The following ZFR2 variants were observed in gnomAD, a reference collection of about 807,000 sequenced individuals.
ZFR2 encodes the protein zinc finger RNA-binding protein 2.
ZFR2 carries 104 observed loss-of-function variants against 105.7 expected under a neutral mutation model. That is an observed-to-expected ratio of 0.98 (90% CI 0.84 to 1.16). ZFR2 has a LOEUF of 1.16. Ranked by LOEUF, ZFR2 falls within the 50% of genes most tolerant of loss-of-function variation. The probability of loss-of-function intolerance (pLI) is 0.00; values close to 1 mark genes in which losing one functional copy is unlikely to be tolerated. For missense variants in ZFR2, 1,425 were observed against 1,355.5 expected (o/e 1.05, Z -0.80); for synonymous variants, 634 against 597.7 (o/e 1.06, Z -0.89).
At position 3,827,518 on chromosome 19, in the gene ZFR2, C is replaced by T. The variant is rs552807482; in HGVS notation, c.988G>A (p.Gly330Arg). The T allele has an allele frequency of 6.2e-5, 96 of 1,558,180 alleles. 2 individuals carry two copies. In the South Asian group the frequency reaches 7.6e-4, roughly 12 times the overall value. ...ATGTGGGCCGCGTAGGCGTCCGCCCCGGTGCAGGACACGGCGCACAGGTCG... is the reference window on the plus strand; with the variant it reads ...ATGTGGGCCGCGTAGGCGTCCGCCCTGGTGCAGGACACGGCGCACAGGTCG... ...HCDLCAVSCT[G>R]ADAYAAHIRG... The change falls in exon 6 of 19, where the codon GGG (glycine) becomes AGG (arginine). Residue 330 changes from glycine to arginine, a missense_variant. Coordinates refer to ENST00000262961, the MANE Select transcript of ZFR2 (RefSeq NM_015174.2).
chr19:3,868,997 G>T lies in ZFR2; in HGVS notation c.21C>A (p.Phe7Leu), dbSNP rs763822716. The change falls in exon 1 of 19, where the codon TTC (phenylalanine) becomes TTA (leucine). Residue 7 changes from phenylalanine (F) to leucine (L), a missense_variant. Phe to Leu is a conservative substitution (Grantham distance 22). Coordinates refer to ENST00000262961, the MANE Select transcript of ZFR2 (RefSeq NM_015174.2). MATSQY[F>L]DFAQGGGPQY... ...GCGGGCCGCCGCCCTGCGCGAAGTC[G>T]AAATACTGACTCGTCGCCATCTTGG... The T allele has an allele frequency of 3.6e-6, 5 of 1,378,134 alleles. 1 individual carries two copies. In the South Asian group the frequency reaches 8.7e-5, roughly 24 times the overall value. 85.4% of individuals were successfully genotyped at this position (1,378,134 alleles called of 1,614,324 possible).
chr19:3,820,239 G>C lies in ZFR2; in HGVS notation c.1683C>G (p.Asp561Glu), dbSNP rs1220742704. ...TGCCCATGAGCAGAGGCTGGGCCCAGTCGGGCGGCGCGTGGGGCGGCACGT... is the reference window on the plus strand; with the variant it reads ...TGCCCATGAGCAGAGGCTGGGCCCACTCGGGCGGCGCGTGGGGCGGCACGT... Reference protein sequence around the residue: ...PQDVPPHAPPDWAQPLLMGRP... With the variant: ...PQDVPPHAPPEWAQPLLMGRP... The change falls in exon 11 of 19, where the codon GAC (aspartate) becomes GAG (glutamate). Residue 561 changes from aspartate to glutamate, a missense_variant. Coordinates refer to ENST00000262961, the MANE Select transcript of ZFR2 (RefSeq NM_015174.2). 1.3e-6 allele frequency: 2 copies of C among 1,549,934 alleles called. No homozygotes were observed. The highest frequency in any genetic ancestry group is 2.4e-5 in the East Asian group (1 of 40,956).
Position 3,823,775 on chromosome 19 carries a change from A to G in ZFR2, c.1214-372T>C, listed in dbSNP as rs1232103660. ...AATGATGGAGCCTCGGGGGGAGACA[A>G]ATATCTTTGTTATAAGAATGACTTG... On this transcript the variant is annotated intron_variant, in intron 7 of 18. Transcript: ENST00000262961. This position sits in a 1 kb window ranked among gnomAD's most constrained non-coding sequence, Gnocchi z 5.4. 6.6e-6 allele frequency among the ~76,000 whole-genome samples: 1 copy of G among 152,156 alleles called. No individual in the cohort carries two copies. The highest frequency in any genetic ancestry group is 2.4e-5 in the African/African-American group (1 of 41,436).
intron 1 of ZFR2, among the ~76,000 whole-genome samples, chr19:3,840,954 G>T (rs773853340): frequency 1.3e-5 from 2 of 152,196 alleles, no homozygotes; most frequent in African/African-American, 2.4e-5. Context: ...ATGGATCTAG[G>T]TCACGCCGGT....
intron 6 of ZFR2, among the ~76,000 whole-genome samples, chr19:3,826,155 C>A (rs568301632): frequency 6.6e-6 from 1 of 152,288 alleles, no homozygotes; most frequent in East Asian, 1.9e-4. Flanking sequence ...CTCCTTCCCC[C>A]GTTTCTCTGC....
At chr19:3,806,263 C>T (rs1432698596) in intron 18 of ZFR2, 138 bp from the exon 19 acceptor site, 2 of 984,648 alleles carry the variant, frequency 2.0e-6, no homozygotes, top group Non-Finnish European at 1.4e-6. Flanking sequence ...CCCCCGGCCC[C>T]CCGCCGCTTT....
intron 6 of ZFR2, among the ~76,000 whole-genome samples, chr19:3,826,394 G>T (rs193208746): frequency 1.3e-5 from 2 of 151,852 alleles, no homozygotes; most frequent in African/African-American, 4.8e-5. Flanking sequence ...TCTCAGGTGG[G>T]GACTCCATCC....
Position 3,823,489 on chromosome 19 carries a change from G to A in ZFR2, c.1214-86C>T. The A allele has an allele frequency of 7.2e-7, 1 of 1,382,894 alleles. No individual in the cohort carries two copies. Among genetic ancestry groups the A allele is most frequent in the Non-Finnish European group, 9.7e-7 (1 of 1,026,638 alleles). 85.7% of individuals were successfully genotyped at this position (1,382,894 alleles called of 1,614,324 possible). A position where few individuals can be genotyped will look rare whatever the true frequency, so the allele number is the denominator to read the frequency against. ...CCCGCCAGGCGGCATGGGGTGGAGA[G>A]CCACCCAGACTGCAGGCTGTGCCAT... On this transcript the variant is annotated intron_variant, in intron 7 of 18. Coordinates refer to ENST00000262961, the MANE Select transcript of ZFR2 (RefSeq NM_015174.2). The surrounding 1 kb of genome is among the most constrained non-coding windows in gnomAD (Gnocchi z 5.4).
chr19:3,852,376 G>A (rs2038249696), intron 1 of ZFR2: 5 of 666,956 alleles, frequency 7.5e-6, no homozygotes, highest in Admixed American at 2.3e-5. Context: ...TCTGCCCCTG[G>A]AGGGCAGCTA....
intron 16 of ZFR2, 102 bp from the exon 17 acceptor site, chr19:3,809,085 C>T (rs2037734735): frequency 1.2e-6 from 1 of 834,452 alleles, no homozygotes; most frequent in South Asian, 2.0e-5. Flanking sequence ...CCCCTCAGCT[C>T]TTTCTCTAAC....
intron 12 of ZFR2, among the ~76,000 whole-genome samples, chr19:3,818,316 A>G (rs1486211162): frequency 6.6e-6 from 1 of 152,098 alleles, no homozygotes; most frequent in Non-Finnish European, 1.5e-5. Flanking sequence ...AAGAGTTAAC[A>G]ATTAGCTGGG....
At chr19:3,852,491 G>A (rs2145183309) in intron 1 of ZFR2, 1 of 718,622 alleles carries the variant, frequency 1.4e-6, no homozygotes, top group Non-Finnish European at 2.6e-6. Context: ...AGCAGATGCA[G>A]GCAAGGCCTC....
At chr19:3,855,042 G>A (rs144329324) in intron 1 of ZFR2, among the ~76,000 whole-genome samples, 76 of 152,074 alleles carry the variant, frequency 5.0e-4, no homozygotes, top group African/African-American at 1.7e-3. Context: ...TTACAGATGT[G>A]AGCCACTGTG....
intron 1 of ZFR2, among the ~76,000 whole-genome samples, chr19:3,856,045 G>T (rs2038296699): frequency 1.3e-5 from 2 of 152,210 alleles, no homozygotes; most frequent in African/African-American, 2.4e-5. Flanking sequence ...AGAGCAGAAG[G>T]AAGCGTGAAG....
In ZFR2 at chr19:3,823,034, A is replaced by C. The variant is rs1217166172; in HGVS notation, c.1371+212T>G. On this transcript the variant is annotated intron_variant, in intron 8 of 18. Transcript: ENST00000262961. The surrounding 1 kb of genome is among the most constrained non-coding windows in gnomAD (Gnocchi z 5.4). Reference sequence around the variant, plus strand: ...GCCTGTCTCTGGCCCTCACGGGGCCATATTCATTTCCTGCTGATACCAAAA... The same window carrying C: ...GCCTGTCTCTGGCCCTCACGGGGCCCTATTCATTTCCTGCTGATACCAAAA... Among the ~76,000 whole-genome samples the C allele has an allele frequency of 2.6e-5, 4 of 152,194 alleles. No individual in the cohort carries two copies. The highest frequency in any genetic ancestry group is 9.6e-5 in the African/African-American group (4 of 41,456).
chr19:3,851,945 T>G, intron 1 of ZFR2: 1 of 195,010 alleles, frequency 5.1e-6, no homozygotes, highest in Non-Finnish European at 1.1e-5. Context: ...GCCAAAGATA[T>G]TTACTATGTG....
intron 1 of ZFR2, among the ~76,000 whole-genome samples, chr19:3,852,826 C>A (rs1421874279): frequency 2.0e-5 from 3 of 152,162 alleles, no homozygotes; most frequent in African/African-American, 7.2e-5. Flanking sequence ...GCAGGTTTTG[C>A]CCCCAGGAGA....
chr19:3,818,068 G>GA (rs1424184287), intron 12 of ZFR2, among the ~76,000 whole-genome samples: 1 of 152,286 alleles, frequency 6.6e-6, no homozygotes, highest in African/African-American at 2.4e-5. Flanking sequence ...GACAGCTGTG[G>GA]AGATGGACAG....
chr19:3,865,162 A>G (rs2038415278), intron 1 of ZFR2, among the ~76,000 whole-genome samples: 1 of 152,224 alleles, frequency 6.6e-6, no homozygotes, highest in Non-Finnish European at 1.5e-5. Context: ...TATGAGATTC[A>G]TAAGACCATA....
Sources: gnomAD v4.1 joint callset for allele counts (sites outside exome capture counted in the v4.1 genomes callset) on GRCh38, gnomAD v4.1.1 for gene constraint, Gnocchi (gnomAD v3.1) non-coding constraint, MANE v1.5 for transcripts, NCBI Gene and HGNC (gene_info 2026-07-23, HGNC 2026-07-21) for gene names.